Variants in PEBP4 observed in about 807,000 individuals in gnomAD.
PEBP4 encodes the protein phosphatidylethanolamine binding protein 4.
Under a neutral mutation model 23.9 loss-of-function variants are expected in PEBP4, and 22 were observed. The observed-to-expected ratio is 0.92, with a 90% confidence interval of 0.66 to 1.31. PEBP4 has a LOEUF of 1.31. Among genes scored for constraint, PEBP4 ranks in the 40% most tolerant of loss-of-function variants. PEBP4 has a pLI of 0.00. For synonymous variants in PEBP4, 112 were observed against 99.3 expected, an observed-to-expected ratio of 1.13 and a Z score of -0.76; for missense variants, 324 against 281.7, an observed-to-expected ratio of 1.15 and a Z score of -1.07.
Position 22,883,165 on chromosome 8 carries a change from G to GATTA in PEBP4, c.258+37015_258+37018dup, listed in dbSNP as rs112197957. ...AACAGGGGCATCTATAGAAAGCAGG[G>GATTA]ATTATGATGCTTGCTTAAAGGTTCA... On this transcript the variant is annotated intron_variant, in intron 3 of 6. Transcript: ENST00000256404. Among the ~76,000 whole-genome samples the GATTA allele has an allele frequency of 8.8e-3, 1,339 of 152,284 alleles. 17 individuals are homozygous for GATTA. Among genetic ancestry groups the GATTA allele is most frequent in the African/African-American group, 0.03 (1,264 of 41,528 alleles).
At chr8:22,737,186 C>T (rs1804882303) in intron 4 of PEBP4, among the ~76,000 whole-genome samples, 1 of 147,566 alleles carries the variant, frequency 6.8e-6, no homozygotes, top group South Asian at 2.2e-4. Flanking sequence ...CCCAGTTACT[C>T]GGGAGGCTGA....
chr8:22,907,454 G>C (rs774411762), intron 3 of PEBP4, among the ~76,000 whole-genome samples: 1 of 152,300 alleles, frequency 6.6e-6, no homozygotes, highest in South Asian at 2.1e-4. Context: ...AGAAGTTGCA[G>C]TGAGTCGAGA....
At chr8:22,778,903 G>A (rs1805865291) in intron 4 of PEBP4, among the ~76,000 whole-genome samples, 1 of 152,276 alleles carries the variant, frequency 6.6e-6, no homozygotes, top group African/African-American at 2.4e-5. Context: ...CCACCAGGGC[G>A]GGCTCCTCTG....
At chr8:22,738,771 ACT>A (rs1166588075) in intron 4 of PEBP4, among the ~76,000 whole-genome samples, 1 of 152,138 alleles carries the variant, frequency 6.6e-6, no homozygotes, top group African/African-American at 2.4e-5. Context: ...ACACATGCTC[ACT>A]CACACACATG....
At chr8:22,918,929 G>GCACATGTGCACACATGTGCA (rs141376967) in intron 3 of PEBP4, among the ~76,000 whole-genome samples, 155 of 151,144 alleles carry the variant, frequency 1.0e-3, no homozygotes, top group African/African-American at 3.6e-3. Flanking sequence ...GTGTGTGTGT[G>GCACATGTGCACACATGTGCA]CACATGTGCA....
rs943318922 is a variant in PEBP4 at position 22,865,586 on chromosome 8, C to G, written c.259-47851G>C. On this transcript the variant is annotated intron_variant, in intron 3 of 6. Coordinates refer to ENST00000256404, the MANE Select transcript of PEBP4 (RefSeq NM_144962.3). The surrounding 1 kb of genome is among the most constrained non-coding windows in gnomAD (Gnocchi z 6.9). ...CAGCCGCCGGGGAAGGAATTCCCTC[C>G]GCCCGGGCGCACGCGGCCCCCCGCC... 1.3e-5 allele frequency among the ~76,000 whole-genome samples: 2 copies of G among 152,218 alleles called. No homozygotes were observed. The highest frequency in any genetic ancestry group is 4.8e-5 in the African/African-American group (2 of 41,458).
At chr8:22,836,492 C>T (rs772756981) in intron 3 of PEBP4, among the ~76,000 whole-genome samples, 4 of 152,216 alleles carry the variant, frequency 2.6e-5, no homozygotes, top group South Asian at 2.1e-4. Context: ...CAACATGTTC[C>T]GGCATCTCCG....
chr8:22,889,098 C>T (rs1808441975), intron 3 of PEBP4, among the ~76,000 whole-genome samples: 1 of 152,212 alleles, frequency 6.6e-6, no homozygotes, highest in African/African-American at 2.4e-5. Context: ...GGCTTACTGC[C>T]GGGCACAATC....
chr8:22,853,729 T>A, intron 3 of PEBP4, among the ~76,000 whole-genome samples: 1 of 152,148 alleles, frequency 6.6e-6, no homozygotes, highest in Non-Finnish European at 1.5e-5. Context: ...CTCCTGGAAG[T>A]CCAGCACTCC....
At chr8:22,766,525 A>T (rs1805618254) in intron 4 of PEBP4, among the ~76,000 whole-genome samples, 1 of 152,220 alleles carries the variant, frequency 6.6e-6, no homozygotes, top group East Asian at 1.9e-4. Flanking sequence ...TGTATCAGGA[A>T]GCTGGCCCTT....
At chr8:22,935,275 C>G (rs937104987) in intron 1 of PEBP4, among the ~76,000 whole-genome samples, 2 of 152,132 alleles carry the variant, frequency 1.3e-5, no homozygotes, top group Non-Finnish European at 2.9e-5. Flanking sequence ...CATCCCAGCA[C>G]TTTGGGAAGC....
intron 3 of PEBP4, among the ~76,000 whole-genome samples, chr8:22,917,125 GGGA>G (rs1176921321): frequency 3.6e-5 from 5 of 138,740 alleles, no homozygotes; most frequent in African/African-American, 1.4e-4. Context: ...CTGGGGGCGG[GGGA>G]GGGGGGGGTG....
intron 6 of PEBP4, among the ~76,000 whole-genome samples, chr8:22,718,737 AG>A: frequency 6.6e-6 from 1 of 151,836 alleles, no homozygotes; most frequent in Non-Finnish European, 1.5e-5. Flanking sequence ...GGAGGTCACG[AG>A]GGTGGGCTGA....
chr8:22,860,185 T>TATATATGTATATATATACAC lies in PEBP4; in HGVS notation c.259-42451_259-42450insGTGTATATATATACATATAT, dbSNP rs569874279. Among the ~76,000 whole-genome samples, 452 of 52,618 alleles carry TATATATGTATATATATACAC rather than the reference T, an allele frequency of 8.6e-3. 2 individuals are homozygous for TATATATGTATATATATACAC. The highest frequency in any genetic ancestry group is 0.074 in the South Asian group (104 of 1,402). The allele number at this position is 52,618 out of a possible 152,430, so 34.5% of individuals were successfully genotyped here. A position where few individuals can be genotyped will look rare whatever the true frequency, so the allele number is the denominator to read the frequency against. ...ATATATATGTATATATATATACACA[T>TATATATGTATATATATACAC]ATATATGTATATATATATATACACA... On this transcript the variant is annotated intron_variant, in intron 3 of 6. Transcript: ENST00000256404.
intron 3 of PEBP4, among the ~76,000 whole-genome samples, chr8:22,897,445 C>T (rs533765716): frequency 3.2e-4 from 48 of 152,286 alleles, no homozygotes; most frequent in African/African-American, 1.1e-3. Context: ...ACCCTTTCAT[C>T]GTCTTACTCA....
chr8:22,836,882 A>G (rs1439404281), intron 3 of PEBP4, among the ~76,000 whole-genome samples: 1 of 152,034 alleles, frequency 6.6e-6, no homozygotes, highest in East Asian at 1.9e-4. Context: ...CTGATGGAAG[A>G]GAAAGAAAAA....
At chr8:22,806,478 G>A (rs1365044540) in intron 4 of PEBP4, among the ~76,000 whole-genome samples, 5 of 152,088 alleles carry the variant, frequency 3.3e-5, no homozygotes, top group African/African-American at 1.2e-4. Flanking sequence ...AGCCAGGTGT[G>A]GTGGCATGTG....
chr8:22,837,634 AGT>A (rs1341584717), intron 3 of PEBP4, among the ~76,000 whole-genome samples: 2 of 152,152 alleles, frequency 1.3e-5, no homozygotes, highest in African/African-American at 4.8e-5. Context: ...TCTGATCTCC[AGT>A]GTGATTCTTG....
chr8:22,790,302 G>A (rs1032593973), intron 4 of PEBP4, among the ~76,000 whole-genome samples: 1 of 152,170 alleles, frequency 6.6e-6, no homozygotes, highest in African/African-American at 2.4e-5. Flanking sequence ...CCAGAGTGGG[G>A]GCAGAGACCC....
Sources: allele counts gnomAD v4.1 joint callset (sites outside exome capture counted in the v4.1 genomes callset), GRCh38; gene constraint gnomAD v4.1.1; non-coding constraint Gnocchi (gnomAD v3.1); transcripts MANE v1.5; gene names NCBI Gene and HGNC (gene_info 2026-07-23, HGNC 2026-07-21).